Variants in SLC2A14 observed in about 807,000 individuals in gnomAD.
SLC2A14 encodes the protein solute carrier family 2, facilitated glucose transporter member 14.
SLC2A14 carries 13 observed loss-of-function variants against 43.0 expected under a neutral mutation model. The observed-to-expected ratio is 0.30, with a 90% CI of 0.20 to 0.48. SLC2A14 has a LOEUF of 0.48. Ranked by LOEUF, SLC2A14 falls within the 20% of genes least tolerant of loss-of-function variation. The probability of loss-of-function intolerance (pLI) is 0.99; values close to 1 mark genes in which losing one functional copy is unlikely to be tolerated. For missense variants in SLC2A14, 428 were observed against 620.4 expected, an observed-to-expected ratio of 0.69 and a Z score of 3.29; for synonymous variants, 190 against 233.8, an observed-to-expected ratio of 0.81 and a Z score of 1.71.
Position 7,871,310 on chromosome 12 carries a change from G to T in SLC2A14, c.-57-1373C>A, listed in dbSNP as rs138037672. The T allele has an allele frequency of 4.1e-4, 449 of 1,105,400 alleles. 3 individuals carry two copies. The African/African-American group carries it at 6.4e-3, about 16-fold the overall frequency. 68.5% of individuals were successfully genotyped at this position (1,105,400 alleles called of 1,614,324 possible). On this transcript the variant is annotated intron_variant, in intron 1 of 10. Coordinates refer to ENST00000431042, the MANE Select transcript of SLC2A14 (RefSeq NM_001286234.2). Reference sequence around the variant, plus strand: ...TGGGAGGCACCCATTGATAAAAAAAGACAAGTTCAACTAGGTGGAGTTCAC... The same window carrying T: ...TGGGAGGCACCCATTGATAAAAAAATACAAGTTCAACTAGGTGGAGTTCAC...
At chr12:7,850,557 G>A (rs375161983) in intron 2 of SLC2A14, among the ~76,000 whole-genome samples, 4 of 152,008 alleles carry the variant, frequency 2.6e-5, no homozygotes, top group African/African-American at 4.8e-5. Flanking sequence ...CACCACACCC[G>A]GCTAATGTTT....
Position 7,831,559 on chromosome 12 carries a change from T to C in SLC2A14, c.272+45A>G, listed in dbSNP as rs199604615. On this transcript the variant is annotated intron_variant, in intron 4 of 10. Transcript: ENST00000431042. ...CCTAACTCTCCACACTTGTCCCCAA[T>C]GCATCTGGTAGAGCCCACTTCCTTG... The C allele has an allele frequency of 9.3e-5, 150 of 1,609,728 alleles. 1 individual carries two copies. The East Asian group carries it at 3.2e-3, about 35-fold the overall frequency.
intron 2 of SLC2A14, among the ~76,000 whole-genome samples, chr12:7,858,227 C>T (rs1944358346): frequency 6.6e-6 from 1 of 152,092 alleles, no homozygotes; most frequent in Non-Finnish European, 1.5e-5. Flanking sequence ...CTATTTGAAC[C>T]ATTCCTGTCA....
chr12:7,837,742 C>A (rs1437589799), intron 2 of SLC2A14, among the ~76,000 whole-genome samples: 2 of 149,688 alleles, frequency 1.3e-5, no homozygotes, highest in Non-Finnish European at 1.5e-5. Flanking sequence ...CATACACCAC[C>A]ACGACTGGCT....
intron 2 of SLC2A14, among the ~76,000 whole-genome samples, chr12:7,855,051 A>G (rs2120952987): frequency 6.6e-6 from 1 of 151,570 alleles, no homozygotes; most frequent in Admixed American, 6.6e-5. Flanking sequence ...CTCGTGATCC[A>G]CCCACCTCGG....
intron 1 of SLC2A14, among the ~76,000 whole-genome samples, chr12:7,884,331 A>G (rs1284036926): frequency 6.6e-6 from 1 of 151,892 alleles, no homozygotes; most frequent in Admixed American, 6.6e-5. Flanking sequence ...TCTTCCTCCA[A>G]CCCCTTTGCA....
upstream of SLC2A14, among the ~76,000 whole-genome samples, chr12:7,874,267 G>C (rs1393398241): frequency 6.6e-6 from 1 of 152,008 alleles, no homozygotes; most frequent in Non-Finnish European, 1.5e-5. Flanking sequence ...GCTACCCCAC[G>C]ATCCAAGAAT....
intron 2 of SLC2A14, among the ~76,000 whole-genome samples, chr12:7,845,241 G>C (rs936222109): frequency 1.3e-5 from 2 of 152,074 alleles, no homozygotes; most frequent in African/African-American, 4.8e-5. Context: ...AACAAAGAAA[G>C]GGGTCAATGG....
At chr12:7,851,167 A>C (rs1303181174) in intron 2 of SLC2A14, among the ~76,000 whole-genome samples, 2 of 152,076 alleles carry the variant, frequency 1.3e-5, no homozygotes, top group Non-Finnish European at 2.9e-5. Context: ...ACTACGCTAC[A>C]GACTGTGCTG....
chr12:7,883,590 C>CTTTTTTTTTTTTTTTTTTT (rs1204450230), intron 1 of SLC2A14, among the ~76,000 whole-genome samples: 5 of 95,202 alleles, frequency 5.3e-5, no homozygotes, highest in African/African-American at 9.0e-5. Flanking sequence ...TTTTTCTTTT[C>CTTTTTTTTTTTTTTTTTTT]TTTTTTTTTT....
intron 1 of SLC2A14, among the ~76,000 whole-genome samples, chr12:7,882,175 C>T (rs1379631871): frequency 1.3e-5 from 2 of 151,982 alleles, no homozygotes; most frequent in African/African-American, 2.4e-5. Flanking sequence ...TAACACTCAC[C>T]GTGAAAGTCT....
chr12:7,845,442 T>C lies in SLC2A14; in HGVS notation c.19-12628A>G, dbSNP rs749849885. ...TAGACTAGTGCTACTCAAATTGTGG[T>C]CCGGGGACCAGCAACATCAGAATCT... is the stretch of plus-strand genomic sequence containing the variant. On this transcript the variant is annotated intron_variant, in intron 2 of 10. Coordinates refer to ENST00000431042, the MANE Select transcript of SLC2A14 (RefSeq NM_001286234.2). Among the ~76,000 whole-genome samples the C allele has an allele frequency of 3.3e-5, 5 of 152,240 alleles. No individual in the cohort carries two copies. The East Asian group carries it at 9.7e-4, about 29-fold the overall frequency.
intron 1 of SLC2A14, among the ~76,000 whole-genome samples, chr12:7,883,624 C>G (rs1407047370): frequency 9.7e-6 from 1 of 102,862 alleles, no homozygotes; most frequent in Non-Finnish European, 1.8e-5. Context: ...GAGACGGGGT[C>G]TCTCTCTGTC....
chr12:7,816,102 T>A lies in SLC2A14; in HGVS notation c.1276-1568A>T, dbSNP rs1240574165. Among the ~76,000 whole-genome samples the A allele has an allele frequency of 1.6e-3, 70 of 43,336 alleles. 20 individuals carry two copies. The highest frequency in any genetic ancestry group is 8.2e-3 in the African/African-American group (64 of 7,850). 28.4% of individuals were successfully genotyped at this position (43,336 alleles called of 152,430 possible). A position where few individuals can be genotyped will look rare whatever the true frequency, so the allele number is the denominator to read the frequency against. ...TTTTTATTTTTTATTTTTTTTATTT[T>A]TTTTATTTTTTTTGAGACGGAGTCT... On this transcript the variant is annotated intron_variant, in intron 10 of 10. Transcript: ENST00000431042.
At chr12:7,859,630 A>G (rs1399266420) in intron 2 of SLC2A14, among the ~76,000 whole-genome samples, 1 of 152,140 alleles carries the variant, frequency 6.6e-6, no homozygotes, top group Non-Finnish European at 1.5e-5. Flanking sequence ...TGATGACAGT[A>G]GGAATGGTGA....
At chr12:7,882,565 G>A (rs1239506929) in intron 1 of SLC2A14, among the ~76,000 whole-genome samples, 1 of 152,048 alleles carries the variant, frequency 6.6e-6, no homozygotes, top group Non-Finnish European at 1.5e-5. Flanking sequence ...GTCGGCAGTG[G>A]CTCACACTTG....
chr12:7,830,270 T>A (rs780224605), intron 4 of SLC2A14, among the ~76,000 whole-genome samples: 1 of 151,460 alleles, frequency 6.6e-6, no homozygotes, highest in East Asian at 2.0e-4. Flanking sequence ...CTCTGCCTCA[T>A]ACTCCCGAGT....
rs866137820 is a variant in SLC2A14, at chr12:7,885,779, A to C, written c.132+5217T>G. On this transcript the variant is annotated intron_variant, in intron 1 of 9. Coordinates refer to the SLC2A14 transcript ENST00000539924. Reference sequence around the variant, plus strand: ...GGTCTCGTGTGATGCCCAGCCCAATAAGTGATGCTCATCGTGGAAAAAGGA... The same window carrying C: ...GGTCTCGTGTGATGCCCAGCCCAATCAGTGATGCTCATCGTGGAAAAAGGA... 2.6e-5 allele frequency among the ~76,000 whole-genome samples: 4 copies of C among 152,192 alleles called. No homozygotes were observed. In the South Asian group the frequency reaches 6.2e-4, roughly 24 times the overall value.
intron 10 of SLC2A14, among the ~76,000 whole-genome samples, chr12:7,817,182 C>T (rs1296372683): frequency 6.6e-6 from 1 of 151,878 alleles, no homozygotes; most frequent in East Asian, 2.0e-4. Flanking sequence ...ATGGCCCGAT[C>T]TCAGCTCACC....
Sources: allele counts gnomAD v4.1 joint callset (sites outside exome capture counted in the v4.1 genomes callset), GRCh38; gene constraint gnomAD v4.1.1; transcripts MANE v1.5; gene names NCBI Gene and HGNC (gene_info 2026-07-23, HGNC 2026-07-21).